The following MINDY1 variants were observed in gnomAD, a reference collection of about 807,000 sequenced individuals.
MINDY1 encodes the protein ubiquitin carboxyl-terminal hydrolase MINDY-1.
In MINDY1, 50 loss-of-function variants were observed where a neutral mutation model predicts 53.6. That is an observed-to-expected ratio of 0.93 (90% CI 0.74 to 1.18). The LOEUF (loss-of-function observed/expected upper bound fraction) is 1.18, where lower values mean the gene tolerates loss of function less well. Among genes scored for constraint, MINDY1 ranks in the 50% most tolerant of loss-of-function variants. MINDY1 has a pLI of 0.00. For missense variants in MINDY1, 484 were observed against 578.6 expected, an observed-to-expected ratio of 0.84 and a Z score of 1.68; for synonymous variants, 231 against 234.7, an observed-to-expected ratio of 0.98 and a Z score of 0.14.
chr1:150,999,349 C>A lies in MINDY1; in HGVS notation c.981+20G>T, dbSNP rs1414394909. On this transcript the variant is annotated intron_variant, in intron 7 of 9. Transcript: ENST00000683666. The surrounding 1 kb of genome is among the most constrained non-coding windows in gnomAD (Gnocchi z 4.4). ...AGGAAATGACAGCACCGCAGCACGC[C>A]ACCCCCAAACTCGCATTACCTTATG... 6.2e-7 allele frequency: 1 copy of A among 1,613,398 alleles called. No individual in the cohort carries two copies. Among genetic ancestry groups the A allele is most frequent in the African/African-American group, 1.3e-5 (1 of 75,018 alleles).
chr1:151,006,493 T>G lies in MINDY1; in HGVS notation c.-271A>C. ...CGGTCCAGGCTGGGTTGTGGCCACTTCCGGACTCACGCCCAGTACTGGGGG... is the reference window on the plus strand; with the variant it reads ...CGGTCCAGGCTGGGTTGTGGCCACTGCCGGACTCACGCCCAGTACTGGGGG... On this transcript the variant is annotated 5_prime_UTR_variant, in exon 1 of 10. Coordinates refer to ENST00000683666, the MANE Select transcript of MINDY1 (RefSeq NM_001376665.1). The G allele has an allele frequency of 3.8e-6, 4 of 1,054,592 alleles. No homozygotes were observed. In the South Asian group the frequency reaches 1.3e-4, roughly 35 times the overall value. The allele number at this position is 1,054,592 out of a possible 1,614,324, so 65.3% of individuals were successfully genotyped here.
At chr1:151,000,069 A>G in intron 5 of MINDY1, 105 bp from the exon 6 acceptor site, 1 of 740,884 alleles carries the variant, frequency 1.3e-6, no homozygotes. Flanking sequence ...CCTGTGATGA[A>G]TGGTTCCTAA....
At chr1:151,006,116 G>C (rs760756899) in intron 1 of MINDY1, 196 bp downstream of exon 1, 1 of 1,551,670 alleles carries the variant, frequency 6.4e-7, no homozygotes, top group Middle Eastern at 1.7e-4. Flanking sequence ...GAGGGGGAAG[G>C]TTTCGTGCTT....
At chr1:151,008,205 G>T, upstream of MINDY1, 1 of 1,094,002 alleles carries the variant, frequency 9.1e-7, no homozygotes, top group Non-Finnish European at 1.1e-6. Flanking sequence ...GATCTGAGAG[G>T]GAAAGTTCAG....
At chr1:151,000,698 C>G in intron 4 of MINDY1, 83 bp from the exon 5 acceptor site, 1 of 1,448,568 alleles carries the variant, frequency 6.9e-7, no homozygotes. Flanking sequence ...AAAAATTAAC[C>G]TTGCTGCTCT....
At chr1:151,007,100 T>A (rs1035637801), upstream of MINDY1, among the ~76,000 whole-genome samples, 3 of 152,208 alleles carry the variant, frequency 2.0e-5, no homozygotes, top group African/African-American at 7.2e-5. Context: ...CCCAGCTCTT[T>A]TCCCTCTGGA....
chr1:151,006,746 G>C lies in MINDY1; in HGVS notation c.-524C>G, dbSNP rs1017326484. The C allele has an allele frequency of 1.0e-6, 1 of 985,524 alleles. No homozygotes were observed. Among genetic ancestry groups the C allele is most frequent in the Non-Finnish European group, 1.2e-6 (1 of 830,082 alleles). 61.0% of individuals were successfully genotyped at this position (985,524 alleles called of 1,614,324 possible). A position where few individuals can be genotyped will look rare whatever the true frequency, so the allele number is the denominator to read the frequency against. ...GGACAAGCTCCCTGGAGGAGGAGGG[G>C]CCTGCCCAGCGCTGGTGGATTTCCA... On this transcript the variant is annotated 5_prime_UTR_variant, in exon 1 of 10. Transcript: ENST00000683666.
chr1:150,999,776 G>T lies in MINDY1; in HGVS notation c.838+86C>A. On this transcript the variant is annotated intron_variant, in intron 6 of 9. Coordinates refer to ENST00000683666, the MANE Select transcript of MINDY1 (RefSeq NM_001376665.1). This position sits in a 1 kb window ranked among gnomAD's most constrained non-coding sequence, Gnocchi z 4.4. ...GTGAAGCTTATATCTAGTGGGATGT[G>T]GTAGGAGATGACACCCAATAAAAAA... 3 of 1,218,530 alleles carry T rather than the reference G, an allele frequency of 2.5e-6. No homozygotes were observed. Among genetic ancestry groups the T allele is most frequent in the East Asian group, 2.4e-5 (1 of 42,046 alleles). 75.5% of individuals were successfully genotyped at this position (1,218,530 alleles called of 1,614,324 possible). A position where few individuals can be genotyped will look rare whatever the true frequency, so the allele number is the denominator to read the frequency against.
In MINDY1 at chr1:151,002,623, A is replaced by G. The variant is rs780584717; in HGVS notation, c.-6T>C. ...TCAGGCTGATGGTATTCCATGGTCA[A>G]AAGGGACTTGGCTGAGGGGCACTGA... On this transcript the variant is annotated 5_prime_UTR_variant, in exon 2 of 10. Transcript: ENST00000683666. This position sits in a 1 kb window ranked among gnomAD's most constrained non-coding sequence, Gnocchi z 4.1. 1.5e-5 allele frequency: 24 copies of G among 1,614,104 alleles called. No homozygotes were observed. In the South Asian group the frequency reaches 2.4e-4, roughly 16 times the overall value.
chr1:150,998,604 C>T (rs1159304673), intron 7 of MINDY1, among the ~76,000 whole-genome samples: 1 of 152,200 alleles, frequency 6.6e-6, no homozygotes, highest in Non-Finnish European at 1.5e-5. Context: ...GATCTGCCCG[C>T]CTCGGCCTCC....
In MINDY1 at chr1:150,999,989, T is replaced by A. The variant is rs1672356144; in HGVS notation, c.736-25A>T. On this transcript the variant is annotated intron_variant, in intron 5 of 9. Coordinates refer to ENST00000683666, the MANE Select transcript of MINDY1 (RefSeq NM_001376665.1). The surrounding 1 kb of genome is among the most constrained non-coding windows in gnomAD (Gnocchi z 4.4). ...TCTGCTTGGGTAGTGGGATGTGGGATACCAAAAAAATTGGGATTTTTTTTT... is the reference window on the plus strand; with the variant it reads ...TCTGCTTGGGTAGTGGGATGTGGGAAACCAAAAAAATTGGGATTTTTTTTT... The A allele has an allele frequency of 6.3e-7, 1 of 1,577,228 alleles. No individual in the cohort carries two copies. The highest frequency in any genetic ancestry group is 1.1e-5 in the South Asian group (1 of 88,616).
chr1:150,998,322 C>G, intron 7 of MINDY1, 49 bp from the exon 8 acceptor site: 1 of 1,522,868 alleles, frequency 6.6e-7, no homozygotes, highest in Non-Finnish European at 8.9e-7. Flanking sequence ...GATACGGAGG[C>G]AGTTCACTGC....
chr1:151,008,360 T>C, upstream of MINDY1: 1 of 1,300,322 alleles, frequency 7.7e-7, no homozygotes. Flanking sequence ...CCACGCCCCC[T>C]TGGCCTCGCC....
Position 151,002,846 on chromosome 1 carries a change from G to A in MINDY1, c.-89-140C>T. The stretch of plus-strand genomic sequence containing the variant: ...GGGCAGTATATGTGTAAACAGAAGG[G>A]CCCCGTGCTGAGCTCTTTCCACCTC... On this transcript the variant is annotated intron_variant, in intron 1 of 9. Coordinates refer to ENST00000683666, the MANE Select transcript of MINDY1 (RefSeq NM_001376665.1). This position sits in a 1 kb window ranked among gnomAD's most constrained non-coding sequence, Gnocchi z 4.1. The A allele has an allele frequency of 7.0e-7, 1 of 1,433,340 alleles. No individual in the cohort carries two copies. Among genetic ancestry groups the A allele is most frequent in the Non-Finnish European group, 9.1e-7 (1 of 1,097,082 alleles). The allele number at this position is 1,433,340 out of a possible 1,614,324, so 88.8% of individuals were successfully genotyped here. A position where few individuals can be genotyped will look rare whatever the true frequency, so the allele number is the denominator to read the frequency against.
chr1:151,004,745 A>G (rs1339768025), intron 1 of MINDY1, among the ~76,000 whole-genome samples: 1 of 14,838 alleles, frequency 6.7e-5, no homozygotes, highest in Admixed American at 4.4e-4. Flanking sequence ...ATAAAATAAA[A>G]TAAAATAAAA....
rs1165243690 is a variant in MINDY1 at position 150,997,839 on chromosome 1, G to A, written c.1174-60C>T. 5.9e-6 allele frequency: 9 copies of A among 1,533,428 alleles called. No homozygotes were observed. The Admixed American group carries it at 1.2e-4, about 20-fold the overall frequency. The allele number at this position is 1,533,428 out of a possible 1,614,324, so 95.0% of individuals were successfully genotyped here. On this transcript the variant is annotated intron_variant, in intron 8 of 9. Transcript: ENST00000683666. ...CCCAGAGCCGTGGCTATTCAGGCAAGGTTTCCAAATCAGTTTTCCCACATC... is the reference window on the plus strand; with the variant it reads ...CCCAGAGCCGTGGCTATTCAGGCAAAGTTTCCAAATCAGTTTTCCCACATC...
chr1:150,997,689 C>T lies in MINDY1; in HGVS notation c.1264G>A (p.Glu422Lys), dbSNP rs587710452. The change falls in exon 9 of 10, where the codon GAG becomes AAG. Residue 422 changes from glutamate (E) to lysine (K), a missense_variant. Coordinates refer to ENST00000683666, the MANE Select transcript of MINDY1 (RefSeq NM_001376665.1). ...GCTGCCTGCTGCTGTTGATACTCCT[C>T]TTGCTGAAGCTGCTGGGCCAGCTCC... ...DLELAQQLQQ[E>K]EYQQQQAAQP... 1 of 1,613,650 alleles carries T rather than the reference C, an allele frequency of 6.2e-7. No homozygotes were observed. The highest frequency in any genetic ancestry group is 2.2e-5 in the East Asian group (1 of 44,884).
rs777824543 is a variant in MINDY1 at position 150,999,454 on chromosome 1, A to G, written c.896T>C (p.Leu299Pro). The change falls in exon 7 of 10, where the codon CTG becomes CCG. Residue 299 changes from leucine to proline, a missense_variant. Transcript: ENST00000683666. This position sits in a 1 kb window ranked among gnomAD's most constrained non-coding sequence, Gnocchi z 4.4. ...TTAAQLTYHG[L>P]CELTAAAKEG... is the part of the protein sequence containing the mutation. ...CTTAGCAGCTGCTGTCAGCTCACAC[A>G]GTCCGTGGTAGGTCAGCTGGGCCGC... 5 of 1,614,078 alleles carry G rather than the reference A, an allele frequency of 3.1e-6. No individual in the cohort carries two copies. Among genetic ancestry groups the G allele is most frequent in the Non-Finnish European group, 4.2e-6 (5 of 1,180,046 alleles).
chr1:150,997,041 G>A lies in MINDY1; in HGVS notation c.*246C>T. ...GTCTGTACATACGTGTGACTATTCA[G>A]GGACCGGGAGTTGAGAACCAGAAAC... is the stretch of plus-strand genomic sequence containing the variant. On this transcript the variant is annotated 3_prime_UTR_variant, in exon 10 of 10. Transcript: ENST00000683666. 1.7e-6 allele frequency: 1 copy of A among 571,704 alleles called. No homozygotes were observed. The highest frequency in any genetic ancestry group is 2.9e-5 in the East Asian group (1 of 34,078). The allele number at this position is 571,704 out of a possible 1,614,324, so 35.4% of individuals were successfully genotyped here.
Sources: gnomAD v4.1 joint callset for allele counts (sites outside exome capture counted in the v4.1 genomes callset) on GRCh38, gnomAD v4.1.1 for gene constraint, Gnocchi (gnomAD v3.1) non-coding constraint, MANE v1.5 for transcripts, NCBI Gene and HGNC (gene_info 2026-07-23, HGNC 2026-07-21) for gene names.